WDR41: variants seen among roughly 807,000 people sequenced by gnomAD.
WDR41 encodes the protein WD repeat domain 41.
WDR41 carries 63 observed loss-of-function variants against 69.3 expected under a neutral mutation model. That is an observed-to-expected ratio of 0.91 (90% CI 0.74 to 1.12). The LOEUF is 1.12. Ranked by LOEUF, WDR41 falls within the 50% of genes most tolerant of loss-of-function variation. The probability of loss-of-function intolerance (pLI) is 0.00; values close to 1 mark genes in which losing one functional copy is unlikely to be tolerated. For synonymous variants in WDR41, 185 were observed against 192.1 expected, an observed-to-expected ratio of 0.96 and a Z score of 0.31; for missense variants, 543 against 534.5, an observed-to-expected ratio of 1.02 and a Z score of -0.16.
chr5:77,524,349 A>G (rs1380838777), intron 1 of WDR41, among the ~76,000 whole-genome samples: 1 of 152,184 alleles, frequency 6.6e-6, no homozygotes, highest in Non-Finnish European at 1.5e-5. Context: ...GCACTTTGGG[A>G]GGCTGAGGCA....
Position 77,438,239 on chromosome 5 carries a change from C to A in WDR41, c.1004+1G>T. On this transcript the variant is annotated splice_donor_variant, in intron 10 of 12. Coordinates refer to ENST00000296679, the MANE Select transcript of WDR41 (RefSeq NM_018268.4). LOFTEE classifies it high-confidence loss of function. ...ATTGCAGAACAGATGGGAACTTGTA[C>A]CTGTTTGGAAGTCTGGCAACGTGCA... 6.2e-7 allele frequency: 1 copy of A among 1,613,852 alleles called. No homozygotes were observed. The highest frequency in any genetic ancestry group is 8.5e-7 in the Non-Finnish European group (1 of 1,179,836).
At chr5:77,620,388 T>C (rs764096157) in intron 1 of WDR41, 3 of 429,990 alleles carry the variant, frequency 7.0e-6, no homozygotes, top group South Asian at 1.7e-5. Flanking sequence ...CCTGTTTTAA[T>C]AGGGGAAAAG....
At chr5:77,545,501 G>A in intron 1 of WDR41, 1 of 234,002 alleles carries the variant, frequency 4.3e-6, no homozygotes, top group Non-Finnish European at 8.3e-6. Context: ...GGCATCCAGG[G>A]CCAGGGTCGC....
chr5:77,545,148 C>G (rs937625217), intron 1 of WDR41, among the ~76,000 whole-genome samples: 1 of 151,950 alleles, frequency 6.6e-6, no homozygotes, highest in Admixed American at 6.5e-5. Context: ...CTATCAAAAC[C>G]TCTGGGACAC....
At chr5:77,446,180 T>C (rs1581700841) in intron 8 of WDR41, among the ~76,000 whole-genome samples, 1 of 151,942 alleles carries the variant, frequency 6.6e-6, no homozygotes, top group East Asian at 1.9e-4. Context: ...TCACAATCGC[T>C]ACAAAGAGAA....
At chr5:77,474,737 A>G (rs1345010353) in intron 2 of WDR41, among the ~76,000 whole-genome samples, 1 of 152,248 alleles carries the variant, frequency 6.6e-6, no homozygotes, top group Non-Finnish European at 1.5e-5. Flanking sequence ...AAGGTAAAAC[A>G]TTTGGTAAGT....
At chr5:77,619,161 T>G (rs1198920948) in intron 1 of WDR41, among the ~76,000 whole-genome samples, 1 of 152,236 alleles carries the variant, frequency 6.6e-6, no homozygotes, top group East Asian at 1.9e-4. Flanking sequence ...CTCACATCAA[T>G]ATGATTTTTA....
intron 1 of WDR41, among the ~76,000 whole-genome samples, chr5:77,550,586 A>T (rs1194573733): frequency 3.3e-5 from 5 of 152,180 alleles, no homozygotes; most frequent in African/African-American, 1.2e-4. Flanking sequence ...AAAATAACAG[A>T]TGCTGGCAAG....
chr5:77,581,890 G>A (rs7722836), intron 1 of WDR41, among the ~76,000 whole-genome samples: 15,595 of 152,098 alleles, frequency 0.1, 1,683 homozygotes, highest in East Asian at 0.26. Context: ...CCACATTAAA[G>A]AAGAAAGGTC....
At chr5:77,602,117 C>T (rs1263517992) in intron 1 of WDR41, among the ~76,000 whole-genome samples, 1 of 152,072 alleles carries the variant, frequency 6.6e-6, no homozygotes, top group African/African-American at 2.4e-5. Flanking sequence ...CCCACCCTTC[C>T]CATCCTCTGG....
chr5:77,480,398 A>C (rs1801175229), intron 2 of WDR41, among the ~76,000 whole-genome samples: 3 of 152,182 alleles, frequency 2.0e-5, no homozygotes, highest in African/African-American at 7.2e-5. Context: ...GGCACTATTC[A>C]CAATAGCAAG....
chr5:77,525,988 T>C (rs1267000340), intron 1 of WDR41, among the ~76,000 whole-genome samples: 1 of 152,196 alleles, frequency 6.6e-6, no homozygotes, highest in Non-Finnish European at 1.5e-5. Flanking sequence ...TTGAAAAATA[T>C]ACATAAAATT....
chr5:77,504,424 C>T (rs1229652693), intron 1 of WDR41, among the ~76,000 whole-genome samples: 10 of 152,146 alleles, frequency 6.6e-5, no homozygotes, highest in Admixed American at 5.9e-4. Flanking sequence ...GATGGATTCA[C>T]AGCTGAATTC....
chr5:77,599,715 G>A (rs1744290660), intron 1 of WDR41, among the ~76,000 whole-genome samples: 1 of 152,204 alleles, frequency 6.6e-6, no homozygotes, highest in Non-Finnish European at 1.5e-5. Context: ...TAATGTAAGA[G>A]GCTAGCCCTC....
intron 1 of WDR41, among the ~76,000 whole-genome samples, chr5:77,561,851 C>G (rs1743532930): frequency 6.6e-6 from 1 of 152,060 alleles, no homozygotes; most frequent in Non-Finnish European, 1.5e-5. Context: ...ATTCTTTCAT[C>G]AAAATCCTGA....
intron 2 of WDR41, among the ~76,000 whole-genome samples, chr5:77,485,916 G>C (rs1315975844): frequency 1.3e-5 from 2 of 151,852 alleles, no homozygotes; most frequent in East Asian, 3.9e-4. Flanking sequence ...CTAAAGACTT[G>C]AAGCGTGAAA....
intron 1 of WDR41, among the ~76,000 whole-genome samples, chr5:77,504,802 A>G (rs1336861246): frequency 3.3e-5 from 5 of 152,236 alleles, no homozygotes; most frequent in Non-Finnish European, 5.9e-5. Flanking sequence ...GATGCAGTAA[A>G]GGCCTTCGAC....
At chr5:77,528,758 A>C (rs1242492648) in intron 1 of WDR41, among the ~76,000 whole-genome samples, 1 of 151,708 alleles carries the variant, frequency 6.6e-6, no homozygotes, top group East Asian at 1.9e-4. Flanking sequence ...AATTCAGAGC[A>C]TTAACACAAT....
At chr5:77,620,567 T>C (rs747607346) in exon 1 of WDR41, 15 of 452,298 alleles carry the variant, frequency 3.3e-5, no homozygotes, top group South Asian at 2.4e-4. Context: ...TCTGTGTACC[T>C]GCGCTCACCT....
Sources: allele counts gnomAD v4.1 joint callset (sites outside exome capture counted in the v4.1 genomes callset), GRCh38; gene constraint gnomAD v4.1.1; transcripts MANE v1.5; gene names NCBI Gene and HGNC (gene_info 2026-07-23, HGNC 2026-07-21).